The following EXOC6 variants were observed in gnomAD, a reference collection of about 807,000 sequenced individuals.
EXOC6 encodes the protein SEC15-like 1.
Under a neutral mutation model 112.5 loss-of-function variants are expected in EXOC6, and 60 were observed. That is an observed-to-expected ratio of 0.53 (90% CI 0.43 to 0.66). The LOEUF (loss-of-function observed/expected upper bound fraction) is 0.66, where lower values mean the gene tolerates loss of function less well. EXOC6 is among the 30% of genes least tolerant of loss of function. EXOC6 has a pLI of 0.00. For missense variants in EXOC6, 855 were observed against 957.1 expected (o/e 0.89, Z 1.41); for synonymous variants, 295 against 308.0 (o/e 0.96, Z 0.44).
At chr10:92,856,927 A>G (rs916883771) in intron 1 of EXOC6, among the ~76,000 whole-genome samples, 1 of 152,174 alleles carries the variant, frequency 6.6e-6, no homozygotes, top group Non-Finnish European at 1.5e-5. Context: ...AGATATTAGT[A>G]TAGCTGCTGC....
chr10:92,975,338 C>T lies in EXOC6; in HGVS notation c.1953+1106C>T, dbSNP rs551422528. On this transcript the variant is annotated intron_variant, in intron 18 of 21. Transcript: ENST00000260762. ...GGAGACCCTCTGCCTGGCAACCGCC[C>T]GGTCTGAGAAGTGAGGAGCCCCTCC... Among the ~76,000 whole-genome samples the T allele has an allele frequency of 5.6e-3, 856 of 151,574 alleles. 6 individuals are homozygous for T. Among genetic ancestry groups the T allele is most frequent in the African/African-American group, 0.017 (688 of 41,344 alleles).
intron 20 of EXOC6, among the ~76,000 whole-genome samples, chr10:93,026,262 G>A (rs1367817490): frequency 1.3e-5 from 2 of 152,172 alleles, no homozygotes; most frequent in African/African-American, 2.4e-5. Context: ...TTACCTAGGA[G>A]TGGAATTGCT....
chr10:93,002,785 A>G (rs535326341), intron 19 of EXOC6, among the ~76,000 whole-genome samples: 1 of 152,116 alleles, frequency 6.6e-6, no homozygotes, highest in Non-Finnish European at 1.5e-5. Flanking sequence ...TTCCTTATCT[A>G]CCAGTCTAAT....
In EXOC6 at chr10:92,954,641, T is replaced by C. The variant is rs777967073; in HGVS notation, c.1538T>C (p.Ile513Thr). Residue 513 changes from isoleucine to threonine, a missense_variant, in exon 16 of 22, where the codon ATA becomes ACA. Around this residue, in one of 2 missense-constraint regions of EXOC6, gnomAD observed 450 missense variants for 563.5 expected, o/e 0.80. Transcript: ENST00000260762. ...ATCTTTGTTTTTAGCTCAACAGAAATAGACGATATGCTTAGAAAATCAACA... is the reference window on the plus strand; with the variant it reads ...ATCTTTGTTTTTAGCTCAACAGAAACAGACGATATGCTTAGAAAATCAACA... ...SESLHRSSTE[I>T]DDMLRKSTNL... is the part of the protein sequence containing the mutation. 1 of 1,583,594 alleles carries C rather than the reference T, an allele frequency of 6.3e-7. No homozygotes were observed. The highest frequency in any genetic ancestry group is 1.3e-5 in the African/African-American group (1 of 74,318).
intron 4 of EXOC6, among the ~76,000 whole-genome samples, chr10:92,898,717 G>A (rs1374163663): frequency 1.3e-5 from 2 of 152,098 alleles, no homozygotes; most frequent in Non-Finnish European, 2.9e-5. Context: ...CCTGTGAAGC[G>A]ACAGAGTCAG....
intron 1 of EXOC6, among the ~76,000 whole-genome samples, chr10:92,880,160 C>G (rs1848881054): frequency 6.6e-6 from 1 of 152,172 alleles, no homozygotes; most frequent in Non-Finnish European, 1.5e-5. Context: ...GTTGAAATCT[C>G]TTATATAAAA....
At chr10:93,056,016 T>G (rs1198895994) in intron 20 of EXOC6, among the ~76,000 whole-genome samples, 1 of 152,146 alleles carries the variant, frequency 6.6e-6, no homozygotes, top group African/African-American at 2.4e-5. Context: ...GACCCCTTAC[T>G]TATAAAGTGA....
chr10:92,993,503 GAC>G (rs1251110093), intron 18 of EXOC6, among the ~76,000 whole-genome samples: 3 of 151,994 alleles, frequency 2.0e-5, no homozygotes, highest in Non-Finnish European at 4.4e-5. Context: ...AAAATGGTAA[GAC>G]ACAAATGAAA....
rs1590107469 is a variant in EXOC6 at position 93,047,538 on chromosome 10, A to C, written c.2170-9386A>C. On this transcript the variant is annotated intron_variant, in intron 20 of 21. Coordinates refer to ENST00000260762, the MANE Select transcript of EXOC6 (RefSeq NM_019053.6). ...GCATCAGAGTGAGGCTATGTCTCAA[A>C]CAAAACAAAACAAAACAAAACAAAA... is the stretch of plus-strand genomic sequence containing the variant. Among the ~76,000 whole-genome samples the C allele has an allele frequency of 5.2e-5, 6 of 115,532 alleles. 1 individual carries two copies. In the South Asian group the frequency reaches 1.5e-3, roughly 29 times the overall value. 75.8% of individuals were successfully genotyped at this position (115,532 alleles called of 152,430 possible).
At chr10:93,033,696 G>A (rs7916411) in intron 20 of EXOC6, among the ~76,000 whole-genome samples, 1,852 of 152,220 alleles carry the variant, frequency 0.012, 40 homozygotes, top group African/African-American at 0.043. Flanking sequence ...GCAGTAAAAA[G>A]CATTAGGTGT....
At chr10:92,857,916 TTTG>T (rs1014406799) in intron 1 of EXOC6, among the ~76,000 whole-genome samples, 9 of 152,074 alleles carry the variant, frequency 5.9e-5, no homozygotes, top group African/African-American at 9.7e-5. Flanking sequence ...TCCTGTTTTT[TTTG>T]TTGTTGTTGT....
chr10:92,828,115 G>A (rs191382910), intron 1 of EXOC6, among the ~76,000 whole-genome samples: 43 of 152,208 alleles, frequency 2.8e-4, no homozygotes, highest in African/African-American at 1.0e-3. Flanking sequence ...CATTAACTCT[G>A]TTTGTTGATC....
intron 20 of EXOC6, among the ~76,000 whole-genome samples, chr10:93,044,517 G>A (rs757419663): frequency 2.0e-5 from 3 of 152,046 alleles, no homozygotes; most frequent in Non-Finnish European, 4.4e-5. Flanking sequence ...GACTAAGTAT[G>A]GTAATCCAAC....
chr10:93,038,875 C>G (rs1845637926), intron 20 of EXOC6, among the ~76,000 whole-genome samples: 1 of 152,164 alleles, frequency 6.6e-6, no homozygotes, highest in South Asian at 2.1e-4. Context: ...AGTATATGTA[C>G]ACACTCCGCA....
rs1168019143 is a variant in EXOC6 at position 92,952,368 on chromosome 10, G to A, written c.1512G>A (p.Glu504=). Residue 504 remains glutamate, a synonymous_variant, in exon 15 of 22, where the codon GAG becomes GAA. Coordinates refer to ENST00000260762, the MANE Select transcript of EXOC6 (RefSeq NM_019053.6). The part of the protein sequence containing the change: ...EFIYASLKFS[E]SLHRSSTEID... The stretch of plus-strand genomic sequence containing the variant: ...TTTATGCCAGCCTTAAATTTTCAGA[G>A]TCACTACACCGGAGGTGAGTTTACT... The A allele has an allele frequency of 6.3e-7, 1 of 1,597,144 alleles. No homozygotes were observed. Among genetic ancestry groups the A allele is most frequent in the Non-Finnish European group, 8.6e-7 (1 of 1,165,278 alleles).
At chr10:93,048,599 TA>T (rs993905040) in intron 20 of EXOC6, among the ~76,000 whole-genome samples, 62 of 151,362 alleles carry the variant, frequency 4.1e-4, no homozygotes, top group African/African-American at 1.4e-3. Context: ...ATAATAAAAT[TA>T]AAAAAAATTA....
chr10:92,845,860 C>G (rs933092969), upstream of EXOC6, among the ~76,000 whole-genome samples: 3 of 151,330 alleles, frequency 2.0e-5, no homozygotes, highest in African/African-American at 7.3e-5. Context: ...ATCACTTGAA[C>G]CCAGGAGGCG....
intron 12 of EXOC6, among the ~76,000 whole-genome samples, chr10:92,940,423 A>G (rs373808713): frequency 6.6e-6 from 1 of 152,092 alleles, no homozygotes; most frequent in East Asian, 1.9e-4. Context: ...GTAAAAACTT[A>G]TCTTGAATTT....
At chr10:92,880,117 C>T (rs1033856057) in intron 1 of EXOC6, among the ~76,000 whole-genome samples, 2 of 152,068 alleles carry the variant, frequency 1.3e-5, no homozygotes, top group African/African-American at 2.4e-5. Flanking sequence ...GATTTGCTTC[C>T]GGGAACCGGT....
Sources: gnomAD v4.1 joint callset for allele counts (sites outside exome capture counted in the v4.1 genomes callset) on GRCh38, gnomAD v4.1.1 for gene constraint, gnomAD v4.1.1 regional missense constraint, MANE v1.5 for transcripts, NCBI Gene and HGNC (gene_info 2026-07-23, HGNC 2026-07-21) for gene names.